The following PARD3 variants were observed in gnomAD, a reference collection of about 807,000 sequenced individuals.
PARD3 encodes partitioning defective 3 homolog.
Under a neutral mutation model 155.4 loss-of-function variants are expected in PARD3, and 75 were observed. The observed-to-expected ratio is 0.48, with a 90% CI of 0.40 to 0.58. The LOEUF (loss-of-function observed/expected upper bound fraction) is 0.58. Ranked by LOEUF, PARD3 falls within the 20% of genes least tolerant of loss-of-function variation. PARD3 has a pLI of 0.00. For synonymous variants in PARD3, 576 were observed against 610.5 expected, an observed-to-expected ratio of 0.94 and a Z score of 0.83; for missense variants, 1,642 against 1,721.7, an observed-to-expected ratio of 0.95 and a Z score of 0.82.
intron 22 of PARD3, among the ~76,000 whole-genome samples, chr10:34,263,385 G>A (rs774970556): frequency 2.6e-5 from 4 of 152,106 alleles, no homozygotes; most frequent in African/African-American, 7.2e-5. Context: ...AGAAGAGCAC[G>A]GTGGCTCACG....
chr10:34,702,229 C>T (rs2094292896), intron 1 of PARD3, among the ~76,000 whole-genome samples: 1 of 151,312 alleles, frequency 6.6e-6, no homozygotes, highest in Admixed American at 6.6e-5. Context: ...ATAGTGCATA[C>T]CTGTAGTCCC....
intron 1 of PARD3, among the ~76,000 whole-genome samples, chr10:34,698,981 C>CGAT (rs2094224693): frequency 6.6e-6 from 1 of 152,172 alleles, no homozygotes; most frequent in Non-Finnish European, 1.5e-5. Context: ...GCAGCCTCCA[C>CGAT]GATGCTTAAC....
chr10:34,542,399 C>T (rs189081632), intron 2 of PARD3, among the ~76,000 whole-genome samples: 1 of 152,234 alleles, frequency 6.6e-6, no homozygotes, highest in East Asian at 1.9e-4. Flanking sequence ...ATATTATTGA[C>T]CTCTAAACAG....
intron 3 of PARD3, among the ~76,000 whole-genome samples, chr10:34,472,968 G>C (rs2078452090): frequency 6.6e-6 from 1 of 152,172 alleles, no homozygotes; most frequent in African/African-American, 2.4e-5. Context: ...AAAATAATTA[G>C]CATTTATCTC....
intron 1 of PARD3, among the ~76,000 whole-genome samples, chr10:34,738,647 A>C (rs1444271786): frequency 1.3e-5 from 2 of 152,186 alleles, no homozygotes; most frequent in African/African-American, 4.8e-5. Flanking sequence ...GAGAGGCTGA[A>C]CTGAGAGGAT....
Position 34,606,563 on chromosome 10 carries a change from G to A in PARD3, c.223-89404C>T, listed in dbSNP as rs966693693. 2.7e-5 allele frequency among the ~76,000 whole-genome samples: 4 copies of A among 150,738 alleles called. No homozygotes were observed. The East Asian group carries it at 7.8e-4, about 29-fold the overall frequency. The stretch of plus-strand genomic sequence containing the variant: ...TGCTTATAATTCCAGCCTTTTGGGA[G>A]GCTGAGGCAGGAGGATCACTTGAGG... On this transcript the variant is annotated intron_variant, in intron 2 of 24. Transcript: ENST00000374788.
At chr10:34,719,910 T>G (rs1454436190) in intron 1 of PARD3, among the ~76,000 whole-genome samples, 1 of 152,064 alleles carries the variant, frequency 6.6e-6, no homozygotes, top group Non-Finnish European at 1.5e-5. Context: ...ACCCATGTGG[T>G]TAGGTGGGTG....
chr10:34,350,411 G>A (rs1165329316), intron 14 of PARD3, among the ~76,000 whole-genome samples: 1 of 152,170 alleles, frequency 6.6e-6, no homozygotes, highest in Non-Finnish European at 1.5e-5. Context: ...TTGGAAGGCC[G>A]AGGCGGGTGG....
chr10:34,754,346 T>C (rs539965883), intron 1 of PARD3, among the ~76,000 whole-genome samples: 2 of 152,192 alleles, frequency 1.3e-5, no homozygotes, highest in African/African-American at 2.4e-5. Flanking sequence ...TTGAGAAACA[T>C]ACAAGCATCT....
intron 12 of PARD3, among the ~76,000 whole-genome samples, chr10:34,370,389 C>T (rs1033708907): frequency 5.3e-5 from 8 of 152,260 alleles, no homozygotes; most frequent in African/African-American, 1.9e-4. Flanking sequence ...CTGAGGAATT[C>T]ACAGCCGATC....
chr10:34,517,921 C>T (rs576974075), intron 2 of PARD3, among the ~76,000 whole-genome samples: 15 of 152,300 alleles, frequency 9.8e-5, no homozygotes, highest in African/African-American at 3.4e-4. Context: ...CTGAGACGCC[C>T]AGGCTGGAAT....
intron 1 of PARD3, among the ~76,000 whole-genome samples, chr10:34,719,460 G>T (rs907332680): frequency 6.6e-6 from 1 of 151,950 alleles, no homozygotes; most frequent in Non-Finnish European, 1.5e-5. Flanking sequence ...ATACATTCCT[G>T]AGTGCAGTGC....
At chr10:34,199,902 A>G (rs936682691) in intron 22 of PARD3, among the ~76,000 whole-genome samples, 1 of 152,168 alleles carries the variant, frequency 6.6e-6, no homozygotes, top group African/African-American at 2.4e-5. Context: ...CCCCAAAAAA[A>G]CAGAATACCA....
At chr10:34,149,175 TGAGTA>T (rs1230800825) in intron 22 of PARD3, among the ~76,000 whole-genome samples, 2 of 152,160 alleles carry the variant, frequency 1.3e-5, no homozygotes, top group African/African-American at 4.8e-5. Flanking sequence ...GATGACCATT[TGAGTA>T]TTTTTAAATA....
intron 23 of PARD3, among the ~76,000 whole-genome samples, chr10:34,126,319 A>G (rs537427234): frequency 6.6e-6 from 1 of 152,340 alleles, no homozygotes; most frequent in Non-Finnish European, 1.5e-5. Context: ...CATTTTCAAA[A>G]TAGGTAGATT....
rs769589171 is a variant in PARD3, at chr10:34,119,735, G to T, written c.3546C>A (p.Asn1182Lys). ...GCCCGCTCTGCGTCGCCGGCCGTGC[G>T]TTCGGCTGGAAGAGGAAAATACAAG... ...RTYSFEQPWPNARPATQSGRH... is the reference protein window; with the variant it reads ...RTYSFEQPWPKARPATQSGRH... Residue 1182 changes from asparagine (N) to lysine (K), a missense_variant, in exon 24 of 25, where the codon AAC becomes AAA. By Grantham distance (94) the Asn-to-Lys change is moderately conservative. Transcript: ENST00000374788. 4 of 1,610,520 alleles carry T rather than the reference G, an allele frequency of 2.5e-6. No individual in the cohort carries two copies. The highest frequency in any genetic ancestry group is 2.5e-6 in the Non-Finnish European group (3 of 1,177,608).
intron 2 of PARD3, among the ~76,000 whole-genome samples, chr10:34,632,491 G>A (rs554628696): frequency 7.9e-5 from 12 of 152,254 alleles, no homozygotes; most frequent in African/African-American, 2.6e-4. Flanking sequence ...TTAAGGGGCT[G>A]GCAAAAGACA....
rs183816373 is a variant in PARD3 at position 34,496,405 on chromosome 10, G to A, written c.403+20574C>T. 6.6e-4 allele frequency among the ~76,000 whole-genome samples: 101 copies of A among 152,242 alleles called. 1 individual carries two copies. The South Asian group carries it at 7.3e-3, about 11-fold the overall frequency. On this transcript the variant is annotated intron_variant, in intron 3 of 24. Transcript: ENST00000374788. The stretch of plus-strand genomic sequence containing the variant: ...GAATTACAGTAATAACAGGTAGACA[G>A]ATAAAAGATCCAGGTAATAATTACC...
chr10:34,602,158 T>C (rs370593849), intron 2 of PARD3, among the ~76,000 whole-genome samples: 85 of 152,338 alleles, frequency 5.6e-4, no homozygotes, highest in African/African-American at 2.0e-3. Context: ...AAGTCGCTGA[T>C]AAATTTGCAG....
Sources: gnomAD v4.1 joint callset for allele counts (sites outside exome capture counted in the v4.1 genomes callset) on GRCh38, gnomAD v4.1.1 for gene constraint, MANE v1.5 for transcripts, NCBI Gene and HGNC (gene_info 2026-07-23, HGNC 2026-07-21) for gene names.